RP1L1: variants seen among roughly 807,000 people sequenced by gnomAD.
RP1L1 encodes RP1 like 1.
A neutral mutation model predicts 15.7 loss-of-function variants in RP1L1; 27 were observed. The ratio of observed to expected loss-of-function variants is 1.72; its 90% CI spans 1.27 to 2.38. RP1L1 has a LOEUF of 2.38. Ranked by LOEUF, RP1L1 falls within the 30% of genes most tolerant of loss-of-function variation. The probability of loss-of-function intolerance (pLI) is 0.00; values close to 1 mark genes in which losing one functional copy is unlikely to be tolerated. For synonymous variants in RP1L1, 1,813 were observed against 1,276.7 expected, an observed-to-expected ratio of 1.42 and a Z score of -8.96; for missense variants, 4,798 against 3,075.9, an observed-to-expected ratio of 1.56 and a Z score of -13.24.
chr8:10,614,682 A>G (rs1304789837), intron 3 of RP1L1, among the ~76,000 whole-genome samples: 11 of 150,728 alleles, frequency 7.3e-5, no homozygotes, highest in Non-Finnish European at 1.0e-4. Flanking sequence ...AAAAAAAAGA[A>G]AAGAAAAAAG....
Position 10,609,126 on chromosome 8 carries a change from G to T in RP1L1, c.4972C>A (p.Pro1658Thr). 6.2e-7 allele frequency: 1 copy of T among 1,613,670 alleles called. No homozygotes were observed. Among genetic ancestry groups the T allele is most frequent in the Non-Finnish European group, 8.5e-7 (1 of 1,179,758 alleles). ...GEEAEGEEFC[P>T]CEACVRKKVS... Reference sequence around the variant, plus strand: ...TTCTTCCTCACGCAGGCCTCGCAGGGACAGAACTCCTCCCCCTCCGCCTCC... The same window carrying T: ...TTCTTCCTCACGCAGGCCTCGCAGGTACAGAACTCCTCCCCCTCCGCCTCC... The change falls in exon 4 of 4, where the codon CCC (proline) becomes ACC (threonine). Residue 1658 changes from proline to threonine, a missense_variant. Transcript: ENST00000382483.
intron 2 of RP1L1, among the ~76,000 whole-genome samples, chr8:10,620,060 CAT>C (rs542991022): frequency 2.7e-4 from 40 of 150,566 alleles, no homozygotes; most frequent in Non-Finnish European, 5.2e-4. Context: ...GCAACTGAAA[CAT>C]AGTGCTGTTT....
chr8:10,629,588 C>A (rs1283141668), intron 1 of RP1L1, among the ~76,000 whole-genome samples: 2 of 152,142 alleles, frequency 1.3e-5, no homozygotes, highest in African/African-American at 2.4e-5. Flanking sequence ...ACTGTGCAAC[C>A]AAATGCAATC....
Position 10,606,713 on chromosome 8 carries a change from G to C in RP1L1, c.*182C>G, listed in dbSNP as rs895340456. The C allele has an allele frequency of 3.9e-6, 4 of 1,024,826 alleles. No homozygotes were observed. The African/African-American group carries it at 6.5e-5, about 17-fold the overall frequency. The allele number at this position is 1,024,826 out of a possible 1,614,324, so 63.5% of individuals were successfully genotyped here. ...TGTGGGACGGGCCGCAGAGCTCTCT[G>C]ACACTTCTGGACTTAAGAGTCCCAG... On this transcript the variant is annotated 3_prime_UTR_variant, in exon 4 of 4. Transcript: ENST00000382483.
At chr8:10,640,240 C>T (rs537620913) in intron 1 of RP1L1, among the ~76,000 whole-genome samples, 5 of 152,302 alleles carry the variant, frequency 3.3e-5, no homozygotes, top group Non-Finnish European at 4.4e-5. Flanking sequence ...AGTCAGGCCT[C>T]GTCTACCTCA....
chr8:10,609,057 C>A lies in RP1L1; in HGVS notation c.5041G>T (p.Gly1681Cys). The part of the protein sequence containing the change: ...SPKATMGATR[G>C]PIKEAFDLQQ... ...AGGTCAAAGGCCTCTTTGATGGGAC[C>A]TCTGGTTGCCCCCATTGTGGCCTTG... The change falls in exon 4 of 4, where the codon GGT becomes TGT. Residue 1681 changes from glycine to cysteine, a missense_variant. Gly to Cys is a radical substitution (Grantham distance 159). Transcript: ENST00000382483. The A allele has an allele frequency of 1.9e-6, 3 of 1,613,834 alleles. No individual in the cohort carries two copies. The highest frequency in any genetic ancestry group is 2.5e-6 in the Non-Finnish European group (3 of 1,179,774).
At chr8:10,623,769 A>C (rs1798113922) in intron 1 of RP1L1, among the ~76,000 whole-genome samples, 1 of 151,118 alleles carries the variant, frequency 6.6e-6, no homozygotes, top group Admixed American at 6.6e-5. Flanking sequence ...CCCCAGCATC[A>C]CTATGTCCCC....
intron 1 of RP1L1, among the ~76,000 whole-genome samples, chr8:10,633,608 C>G (rs1022521486): frequency 1.3e-5 from 2 of 152,096 alleles, no homozygotes; most frequent in African/African-American, 4.8e-5. Context: ...GCGCAGCGTC[C>G]CGCACAGGAG....
At chr8:10,626,326 A>G (rs2117233254) in intron 1 of RP1L1, among the ~76,000 whole-genome samples, 1 of 152,314 alleles carries the variant, frequency 6.6e-6, no homozygotes, top group Middle Eastern at 3.4e-3. Context: ...AGGGAGAGGG[A>G]CAGGGCTGCT....
chr8:10,633,452 A>T (rs906859130), intron 1 of RP1L1, among the ~76,000 whole-genome samples: 1 of 152,230 alleles, frequency 6.6e-6, no homozygotes, highest in Non-Finnish European at 1.5e-5. Flanking sequence ...AAATTGCATC[A>T]GCTTCCAGCC....
At chr8:10,614,377 G>A (rs1797930459) in intron 3 of RP1L1, among the ~76,000 whole-genome samples, 1 of 152,104 alleles carries the variant, frequency 6.6e-6, no homozygotes, top group South Asian at 2.1e-4. Context: ...AAGAAAGAAT[G>A]AGCCAGGCGT....
intron 1 of RP1L1, among the ~76,000 whole-genome samples, chr8:10,637,537 G>A (rs1430509468): frequency 1.3e-5 from 2 of 152,162 alleles, no homozygotes; most frequent in East Asian, 3.9e-4. Context: ...CTTGAGCCCA[G>A]CAGTTCAAAT....
At position 10,611,575 on chromosome 8, in the gene RP1L1, G is replaced by A. The variant is rs1170593232; in HGVS notation, c.2523C>T (p.Pro841=). 1 of 1,607,796 alleles carries A rather than the reference G, an allele frequency of 6.2e-7. No homozygotes were observed. The highest frequency in any genetic ancestry group is 1.7e-5 in the Admixed American group (1 of 59,198). The change falls in exon 4 of 4, where the codon CCC becomes CCT. Residue 841 remains proline, a synonymous_variant. Transcript: ENST00000382483. ...CACACAGCCAGCTAGCCTCAGGGGA[G>A]GGTCCCCGCTGGGCCTCTTGGGCCG... is the stretch of plus-strand genomic sequence containing the variant. The part of the protein sequence containing the change: ...TQPAQEAQRG[P]SPEASWLCGR...
Position 10,612,116 on chromosome 8 carries a change from G to A in RP1L1, c.1982C>T (p.Pro661Leu), listed in dbSNP as rs780579349. 26 of 1,613,594 alleles carry A rather than the reference G, an allele frequency of 1.6e-5. No homozygotes were observed. The highest frequency in any genetic ancestry group is 4.5e-5 in the East Asian group (2 of 44,890). The change falls in exon 4 of 4, where the codon CCG (proline) becomes CTG (leucine). Residue 661 changes from proline (P) to leucine (L), a missense_variant. By Grantham distance (98) the Pro-to-Leu change is moderately conservative. Coordinates refer to ENST00000382483, the MANE Select transcript of RP1L1 (RefSeq NM_178857.6). The stretch of plus-strand genomic sequence containing the variant: ...GTGAGAATGCCTGGGATGGCCTCTC[G>A]GGGCCACTCGGCCAAGGCCAGGGCT... Reference protein sequence around the residue: ...PSSPGLGRVAPRGHPRHSHYR... With the variant: ...PSSPGLGRVALRGHPRHSHYR...
At position 10,607,967 on chromosome 8, in the gene RP1L1, G is replaced by A; in HGVS notation, c.6131C>T (p.Thr2044Ile). The A allele has an allele frequency of 6.2e-7, 1 of 1,609,996 alleles. No homozygotes were observed. The highest frequency in any genetic ancestry group is 8.5e-7 in the Non-Finnish European group (1 of 1,179,198). The change falls in exon 4 of 4, where the codon ACA becomes ATA. Residue 2044 changes from threonine (T) to isoleucine (I), a missense_variant. By Grantham distance (89) the Thr-to-Ile change is moderately conservative (BLOSUM62 -1). Transcript: ENST00000382483. The stretch of plus-strand genomic sequence containing the variant: ...TGACTCTGGCTGGGCATCCCCTTCT[G>A]TCTTCTGGGTCTCCCCTTCAACCTC... The part of the protein sequence containing the change: ...AQEVEGETQK[T>I]EGDAQPESDG...
At chr8:10,618,858 TTTTGTTTG>T (rs976760535) in intron 2 of RP1L1, among the ~76,000 whole-genome samples, 4 of 152,048 alleles carry the variant, frequency 2.6e-5, no homozygotes, top group Admixed American at 6.6e-5. Flanking sequence ...TTTCGTGTTT[TTTTGTTTG>T]TTTGTTTGTT....
Position 10,611,042 on chromosome 8 carries a change from C to G in RP1L1, c.3056G>C (p.Gly1019Ala), listed in dbSNP as rs772450211. 6.2e-7 allele frequency: 1 copy of G among 1,612,776 alleles called. No individual in the cohort carries two copies. Among genetic ancestry groups the G allele is most frequent in the Non-Finnish European group, 8.5e-7 (1 of 1,179,988 alleles). The change falls in exon 4 of 4, where the codon GGC becomes GCC. Residue 1019 changes from glycine (G) to alanine (A), a missense_variant. Coordinates refer to ENST00000382483, the MANE Select transcript of RP1L1 (RefSeq NM_178857.6). ...GGCTCCCTCTGGCTCTGGGTCCTGG[C>G]CGGGGTCCCCTTCCAGGGACTGCTG... ...AGQQSLEGDP[G>A]QDPEPEGALL...
At chr8:10,646,781 G>A (rs924966128) in intron 1 of RP1L1, among the ~76,000 whole-genome samples, 9 of 152,192 alleles carry the variant, frequency 5.9e-5, no homozygotes, top group Non-Finnish European at 8.8e-5. Flanking sequence ...TCTGCTCCAC[G>A]CCCTCCTTAC....
rs371511538 is a variant in RP1L1 at position 10,607,253 on chromosome 8, G to A, written c.6845C>T (p.Ser2282Phe). 50 of 1,614,056 alleles carry A rather than the reference G, an allele frequency of 3.1e-5. No homozygotes were observed. In the African/African-American group the frequency reaches 5.7e-4, roughly 19 times the overall value. ...TTGGTGGGGAGTGTCTCCACCTGGG[G>A]AAGGGGGTGGAGTGGGCCTGTCCTC... ...VPEDRPTPPP[S>F]PGGDTPHQRP... The change falls in exon 4 of 4, where the codon TCC becomes TTC. Residue 2282 changes from serine to phenylalanine, a missense_variant. Physicochemically the swap from Ser to Phe is radical, Grantham distance 155. Transcript: ENST00000382483.
Sources: allele counts gnomAD v4.1 joint callset (sites outside exome capture counted in the v4.1 genomes callset), GRCh38; gene constraint gnomAD v4.1.1; transcripts MANE v1.5; gene names NCBI Gene and HGNC (gene_info 2026-07-23, HGNC 2026-07-21).